The following LIFR variants were observed in gnomAD, a reference collection of about 807,000 sequenced individuals.
LIFR encodes the protein LIF receptor subunit alpha.
LIFR carries 84 observed loss-of-function variants against 122.2 expected under a neutral mutation model. That is an observed-to-expected ratio of 0.69 (90% CI 0.58 to 0.82). The LOEUF is 0.82. Among genes scored for constraint, LIFR ranks in the 40% least tolerant of loss-of-function variants. The pLI, the probability that LIFR is intolerant of heterozygous loss-of-function variation, is 0.00. For missense variants in LIFR, 1,294 were observed against 1,311.6 expected, an observed-to-expected ratio of 0.99 and a Z score of 0.21; for synonymous variants, 422 against 434.7, an observed-to-expected ratio of 0.97 and a Z score of 0.36.
At position 38,511,832 on chromosome 5, in the gene LIFR, G is replaced by C; in HGVS notation, c.694C>G (p.Leu232Val). Residue 232 changes from leucine (L) to valine (V), a missense_variant, in exon 6 of 20, where the codon CTC becomes GTC. Transcript: ENST00000453190. ...GGGCTCCAGTCACTCCACTCTTCGA[G>C]ACCAGAAAAATGAAGATTGTCAATG... ...CYIDNLHFSG[L>V]EEWSDWSPVK... The C allele has an allele frequency of 6.2e-7, 1 of 1,613,990 alleles. No homozygotes were observed. Among genetic ancestry groups the C allele is most frequent in the Non-Finnish European group, 8.5e-7 (1 of 1,179,940 alleles).
intron 1 of LIFR, among the ~76,000 whole-genome samples, chr5:38,549,435 A>T (rs959438200): frequency 6.6e-6 from 1 of 152,170 alleles, no homozygotes; most frequent in Non-Finnish European, 1.5e-5. Context: ...TATGCACCAC[A>T]ATTCATTTAA....
At chr5:38,584,887 T>C (rs1447059107) in intron 1 of LIFR, among the ~76,000 whole-genome samples, 2 of 152,196 alleles carry the variant, frequency 1.3e-5, no homozygotes, top group South Asian at 2.1e-4. Context: ...CAAAAGTGAC[T>C]ATGTGAGAGG....
At chr5:38,541,404 C>T (rs1423245027) in intron 1 of LIFR, among the ~76,000 whole-genome samples, 12 of 152,320 alleles carry the variant, frequency 7.9e-5, no homozygotes, top group African/African-American at 2.6e-4. Flanking sequence ...TTAGCCTCGA[C>T]TTGATAAGCT....
rs774127787 is a variant in LIFR, at chr5:38,480,867, TAAAA to T, written c.*724_*727del. On this transcript the variant is annotated 3_prime_UTR_variant, in exon 20 of 20. Transcript: ENST00000453190. Reference sequence around the variant, plus strand: ...AAATAATGGAAGCAAGCATAAAAGCTAAAAAATAATGAAAAGGCTTGCAAAACCT... The same window carrying T: ...AAATAATGGAAGCAAGCATAAAAGCTAATAATGAAAAGGCTTGCAAAACCT... 35 of 218,116 alleles carry T rather than the reference TAAAA, an allele frequency of 1.6e-4. No homozygotes were observed. Among genetic ancestry groups the T allele is most frequent in the Non-Finnish European group, 2.9e-4 (31 of 108,424 alleles). 13.5% of individuals were successfully genotyped at this position (218,116 alleles called of 1,614,324 possible).
chr5:38,483,934 A>G (rs771208088), intron 18 of LIFR, among the ~76,000 whole-genome samples: 1 of 152,152 alleles, frequency 6.6e-6, no homozygotes, highest in Admixed American at 6.5e-5. Flanking sequence ...CCCAGCCAGG[A>G]CAGCTCTTGC....
chr5:38,528,635 C>T (rs891005189), intron 3 of LIFR, 91 bp downstream of exon 3: 1 of 814,792 alleles, frequency 1.2e-6, no homozygotes, highest in Non-Finnish European at 2.1e-6. Flanking sequence ...CAGGAAATAA[C>T]CCTTTAGTTT....
At chr5:38,602,794 C>T (rs749919933) in intron 2 of LIFR, among the ~76,000 whole-genome samples, 8 of 152,110 alleles carry the variant, frequency 5.3e-5, no homozygotes, top group Non-Finnish European at 1.0e-4. Flanking sequence ...GATGATGGTT[C>T]GACAATTATC....
chr5:38,560,438 G>A (rs6451389), upstream of LIFR, among the ~76,000 whole-genome samples: 52,699 of 151,816 alleles, frequency 0.35, 10,309 homozygotes, highest in Middle Eastern at 0.47. Context: ...TGAAAAATAT[G>A]ACAAAGACCA....
chr5:38,556,162 G>A (rs1305778274), intron 1 of LIFR, among the ~76,000 whole-genome samples, 172 bp downstream of exon 1: 1 of 152,164 alleles, frequency 6.6e-6, no homozygotes, highest in East Asian at 2.0e-4. Context: ...GTGACCCAAG[G>A]GCGCGCGGAG....
chr5:38,555,371 G>A (rs942792362), intron 1 of LIFR, among the ~76,000 whole-genome samples: 6 of 152,164 alleles, frequency 3.9e-5, no homozygotes, highest in Non-Finnish European at 4.4e-5. Context: ...GAAAAGGAAA[G>A]GTTTGCCTTA....
intron 10 of LIFR, among the ~76,000 whole-genome samples, chr5:38,503,022 T>C (rs1343227388): frequency 6.6e-6 from 1 of 152,116 alleles, no homozygotes; most frequent in Non-Finnish European, 1.5e-5. Context: ...AATTATGCCC[T>C]GTAATAGTAA....
chr5:38,581,281 C>T (rs2112740609), intron 1 of LIFR, among the ~76,000 whole-genome samples: 1 of 152,090 alleles, frequency 6.6e-6, no homozygotes, highest in East Asian at 1.9e-4. Context: ...TATTTAAAGA[C>T]TAAAACTCAA....
At position 38,490,351 on chromosome 5, in the gene LIFR, G is replaced by T. The variant is rs1203625942; in HGVS notation, c.2066-60C>A. ...TATATTACTATGAATATCTATTTTA[G>T]AAACATCAAGTTCATAACATACTCT... On this transcript the variant is annotated intron_variant, in intron 14 of 19. Transcript: ENST00000453190. 1.1e-5 allele frequency: 8 copies of T among 754,014 alleles called. No homozygotes were observed. The African/African-American group carries it at 1.1e-4, about 10-fold the overall frequency. 46.7% of individuals were successfully genotyped at this position (754,014 alleles called of 1,614,324 possible). A position where few individuals can be genotyped will look rare whatever the true frequency, so the allele number is the denominator to read the frequency against.
upstream of LIFR, among the ~76,000 whole-genome samples, chr5:38,559,384 G>A (rs148081246): frequency 6.6e-6 from 1 of 152,306 alleles, no homozygotes; most frequent in East Asian, 1.9e-4. Context: ...TGTCTGTGCT[G>A]TCAAGAATAA....
rs376539182 is a variant in LIFR, at chr5:38,587,831, G to C, written c.-20+7430C>G. ...GTTTTACCAGCTTCATTCTAGTCGG[G>C]GCAACTTATCAAAATCCATCAAAAG... is the stretch of plus-strand genomic sequence containing the variant. On this transcript the variant is annotated intron_variant, in intron 1 of 19. Coordinates refer to the LIFR transcript ENST00000263409. Among the ~76,000 whole-genome samples, 151 of 152,202 alleles carry C rather than the reference G, an allele frequency of 9.9e-4. 2 individuals carry two copies. Among genetic ancestry groups the C allele is most frequent in the African/African-American group, 3.4e-3 (141 of 41,534 alleles).
intron 12 of LIFR, among the ~76,000 whole-genome samples, chr5:38,497,857 A>C (rs923198648): frequency 6.6e-6 from 1 of 152,220 alleles, no homozygotes; most frequent in Admixed American, 6.5e-5. Flanking sequence ...GTGTACTTGA[A>C]TATCCCTTAA....
chr5:38,484,125 T>C (rs1420817645), intron 18 of LIFR, among the ~76,000 whole-genome samples: 1 of 152,210 alleles, frequency 6.6e-6, no homozygotes, highest in African/African-American at 2.4e-5. Context: ...TCCCTCTCCT[T>C]ACCCTTTGGA....
intron 13 of LIFR, among the ~76,000 whole-genome samples, chr5:38,496,058 T>C (rs996586898): frequency 6.6e-6 from 1 of 152,166 alleles, no homozygotes; most frequent in Non-Finnish European, 1.5e-5. Context: ...GGGAAGTGTC[T>C]TGGAGAAGCG....
chr5:38,523,648 C>T (rs1580109371), intron 4 of LIFR, 66 bp from the exon 5 acceptor site: 3 of 1,225,962 alleles, frequency 2.4e-6, no homozygotes, highest in Non-Finnish European at 3.6e-6. Flanking sequence ...TACTGTAACT[C>T]CACTAATCAA....
Sources: gnomAD v4.1 joint callset for allele counts (sites outside exome capture counted in the v4.1 genomes callset) on GRCh38, gnomAD v4.1.1 for gene constraint, MANE v1.5 for transcripts, NCBI Gene and HGNC (gene_info 2026-07-23, HGNC 2026-07-21) for gene names.